TNR: variants seen among roughly 807,000 people sequenced by gnomAD.
The protein encoded by TNR is tenascin R, also known as tenascin-R.
In TNR, 45 loss-of-function variants were observed where a neutral mutation model predicts 150.4. The observed-to-expected ratio is 0.30, with a 90% confidence interval of 0.24 to 0.38. TNR has a LOEUF of 0.38. Among genes scored for constraint, TNR ranks in the 10% least tolerant of loss-of-function variants. The probability of loss-of-function intolerance (pLI) is 1.00; values close to 1 mark genes in which losing one functional copy is unlikely to be tolerated. For synonymous variants in TNR, 687 were observed against 678.4 expected, an observed-to-expected ratio of 1.01 and a Z score of -0.20; for missense variants, 1,544 against 1,759.1, an observed-to-expected ratio of 0.88 and a Z score of 2.19.
intron 2 of TNR, among the ~76,000 whole-genome samples, chr1:175,431,902 G>C (rs1249654345): frequency 2.1e-5 from 1 of 48,760 alleles, no homozygotes; most frequent in Non-Finnish European, 3.6e-5. Context: ...CTTGTTTATG[G>C]ACCATAATAT....
chr1:175,370,915 G>A (rs1652071567), intron 9 of TNR, among the ~76,000 whole-genome samples: 1 of 152,136 alleles, frequency 6.6e-6, no homozygotes, highest in African/African-American at 2.4e-5. Flanking sequence ...AGAATTTAAT[G>A]TGTTCTCTTC....
intron 9 of TNR, among the ~76,000 whole-genome samples, chr1:175,368,264 C>T (rs1651930570): frequency 6.6e-6 from 1 of 152,232 alleles, no homozygotes; most frequent in Non-Finnish European, 1.5e-5. Flanking sequence ...CTTCTGGAGG[C>T]TCTAGGAGAA....
chr1:175,563,595 A>G (rs1376449150), intron 1 of TNR, among the ~76,000 whole-genome samples: 2 of 152,174 alleles, frequency 1.3e-5, no homozygotes, highest in African/African-American at 2.4e-5. Context: ...GCATCCATCA[A>G]TTAAATTAGG....
chr1:175,713,173 C>A (rs774518082), intron 1 of TNR, among the ~76,000 whole-genome samples: 6 of 152,168 alleles, frequency 3.9e-5, no homozygotes, highest in Non-Finnish European at 8.8e-5. Context: ...CTTTGCTCTG[C>A]AGACAAAGAT....
chr1:175,543,969 G>A, intron 1 of TNR, among the ~76,000 whole-genome samples: 1 of 152,106 alleles, frequency 6.6e-6, no homozygotes, highest in East Asian at 1.9e-4. Context: ...ACAGAAATGA[G>A]AAACCTCATG....
intron 1 of TNR, among the ~76,000 whole-genome samples, chr1:175,545,093 TA>T (rs1660635527): frequency 6.6e-6 from 1 of 152,234 alleles, no homozygotes; most frequent in African/African-American, 2.4e-5. Context: ...TTTATTGTCG[TA>T]AGCCACTGAG....
chr1:175,582,607 T>C (rs953115628), intron 1 of TNR, among the ~76,000 whole-genome samples: 1 of 152,188 alleles, frequency 6.6e-6, no homozygotes, highest in East Asian at 1.9e-4. Flanking sequence ...GAACTCCACA[T>C]AGTGAGCCAA....
At position 175,583,500 on chromosome 1, in the gene TNR, G is replaced by A. The variant is rs544482756; in HGVS notation, c.-164-55131C>T. 8.5e-5 allele frequency among the ~76,000 whole-genome samples: 13 copies of A among 152,316 alleles called. No individual in the cohort carries two copies. The South Asian group carries it at 1.9e-3, about 22-fold the overall frequency. On this transcript the variant is annotated intron_variant, in intron 1 of 22. Transcript: ENST00000367674. The stretch of plus-strand genomic sequence containing the variant: ...ACTCCTGCCCATACCCAGAACTTAA[G>A]AGACCCCTGATAGGACTGAGACAGT...
At chr1:175,487,226 G>A (rs1278814967) in intron 2 of TNR, among the ~76,000 whole-genome samples, 2 of 152,170 alleles carry the variant, frequency 1.3e-5, no homozygotes, top group Non-Finnish European at 2.9e-5. Flanking sequence ...TACAGCCCTC[G>A]AATGTGCAGT....
intron 2 of TNR, among the ~76,000 whole-genome samples, chr1:175,496,111 C>T (rs1005685902): frequency 2.6e-5 from 4 of 152,246 alleles, no homozygotes; most frequent in African/African-American, 7.2e-5. Flanking sequence ...TTCATGTTCT[C>T]GTGAGTTTTC....
At position 175,419,520 on chromosome 1, in the gene TNR, A is replaced by G. The variant is rs1444280726; in HGVS notation, c.-63-12743T>C. On this transcript the variant is annotated intron_variant, in intron 2 of 22. Coordinates refer to ENST00000367674, the MANE Select transcript of TNR (RefSeq NM_003285.3). ...GGTTTATATCTGAAATAACTTGTGC[A>G]TGGTGTCCAATTCCTCTGTGGCACG... 3.9e-5 allele frequency among the ~76,000 whole-genome samples: 6 copies of G among 152,108 alleles called. No individual in the cohort carries two copies. The East Asian group carries it at 7.7e-4, about 20-fold the overall frequency.
chr1:175,322,076 A>G lies in TNR; in HGVS notation c.*1281T>C, dbSNP rs184595014. ...GACCAGAAATGGAGAAAACAGGGCT[A>G]GGGAAGATCTGTGTTTCCCATGGAA... On this transcript the variant is annotated 3_prime_UTR_variant, in exon 23 of 23. Coordinates refer to ENST00000367674, the MANE Select transcript of TNR (RefSeq NM_003285.3). 1 of 152,378 alleles carries G rather than the reference A, an allele frequency of 6.6e-6. No individual in the cohort carries two copies. Among genetic ancestry groups the G allele is most frequent in the Admixed American group, 6.5e-5 (1 of 15,310 alleles). The allele number at this position is 152,378 out of a possible 1,614,324, so 9.4% of individuals were successfully genotyped here.
intron 2 of TNR, among the ~76,000 whole-genome samples, chr1:175,456,150 G>T (rs1011989637): frequency 6.6e-6 from 1 of 152,118 alleles, no homozygotes; most frequent in Admixed American, 6.5e-5. Context: ...AATACGCCAG[G>T]CAAGTTTCTG....
At chr1:175,429,350 T>C (rs552708354) in intron 2 of TNR, among the ~76,000 whole-genome samples, 1 of 152,270 alleles carries the variant, frequency 6.6e-6, no homozygotes, top group Admixed American at 6.5e-5. Flanking sequence ...AATGCAGAAA[T>C]GGGAGGCAGC....
At chr1:175,575,302 A>G (rs1171658282) in intron 1 of TNR, among the ~76,000 whole-genome samples, 1 of 152,222 alleles carries the variant, frequency 6.6e-6, no homozygotes, top group Non-Finnish European at 1.5e-5. Flanking sequence ...CATTGTTTTA[A>G]GCCACTGAGC....
chr1:175,614,761 T>C (rs938248029), intron 1 of TNR, among the ~76,000 whole-genome samples: 10 of 152,284 alleles, frequency 6.6e-5, no homozygotes, highest in African/African-American at 2.4e-4. Context: ...GAAGGGGAAT[T>C]TTGTAACCAG....
chr1:175,612,561 C>T (rs1351272349), intron 1 of TNR, among the ~76,000 whole-genome samples: 1 of 152,160 alleles, frequency 6.6e-6, no homozygotes, highest in Non-Finnish European at 1.5e-5. Flanking sequence ...GATTTTTCTT[C>T]CCCCTGAGAA....
intron 2 of TNR, among the ~76,000 whole-genome samples, chr1:175,511,018 C>G (rs1396626272): frequency 1.3e-5 from 2 of 152,150 alleles, no homozygotes; most frequent in Non-Finnish European, 2.9e-5. Context: ...TCACTCTTGC[C>G]TTGCAAAAAT....
intron 1 of TNR, among the ~76,000 whole-genome samples, chr1:175,694,746 A>G (rs143249860): frequency 2.0e-5 from 3 of 152,304 alleles, no homozygotes; most frequent in African/African-American, 7.2e-5. Context: ...TGTTTTTATA[A>G]GAAGATATTA....
Sources: gnomAD v4.1 joint callset for allele counts (sites outside exome capture counted in the v4.1 genomes callset) on GRCh38, gnomAD v4.1.1 for gene constraint, MANE v1.5 for transcripts, NCBI Gene and HGNC (gene_info 2026-07-23, HGNC 2026-07-21) for gene names.